SEMA6B: variants seen among roughly 807,000 people sequenced by gnomAD.
SEMA6B encodes the protein semaphorin-6B.
A neutral mutation model predicts 78.6 loss-of-function variants in SEMA6B; 47 were observed. The ratio of observed to expected loss-of-function variants is 0.60; its 90% CI spans 0.47 to 0.76. The LOEUF is 0.76. SEMA6B is among the 30% of genes least tolerant of loss of function. The pLI, the probability that SEMA6B is intolerant of heterozygous loss-of-function variation, is 0.00. For synonymous variants in SEMA6B, 632 were observed against 592.2 expected, an observed-to-expected ratio of 1.07 and a Z score of -0.98; for missense variants, 1,213 against 1,269.9, an observed-to-expected ratio of 0.96 and a Z score of 0.68.
In SEMA6B at chr19:4,550,883, G is replaced by A. The variant is rs199618903; in HGVS notation, c.1037C>T (p.Ala346Val). 2 of 1,613,612 alleles carry A rather than the reference G, an allele frequency of 1.2e-6. No homozygotes were observed. Among genetic ancestry groups the A allele is most frequent in the South Asian group, 1.1e-5 (1 of 91,090 alleles). Residue 346 changes from alanine to valine, a missense_variant, in exon 11 of 17, where the codon GCT (alanine) becomes GTT (valine). Ala to Val is a moderately conservative substitution (Grantham distance 64). Transcript: ENST00000586582. This position sits in a 1 kb window ranked among gnomAD's most constrained non-coding sequence, Gnocchi z 6.6. ...VCAFDLTQVA[A>V]VFEGRFREQK... Reference sequence around the variant, plus strand: ...CTCTCGGAAGCGGCCTTCAAACACAGCTGCCACCTGTGTCAGGTCAAAGGC... The same window carrying A: ...CTCTCGGAAGCGGCCTTCAAACACAACTGCCACCTGTGTCAGGTCAAAGGC...
Position 4,555,460 on chromosome 19 carries a change from G to C in SEMA6B, c.562+14C>G. ...GGCTGGGGCTGATCAGATGGAGGTT[G>C]GGGGGGTACTTACCAGAGAAGAGGG... On this transcript the variant is annotated intron_variant, in intron 7 of 16. Transcript: ENST00000586582. The surrounding 1 kb of genome is among the most constrained non-coding windows in gnomAD (Gnocchi z 6.1). The C allele has an allele frequency of 6.3e-7, 1 of 1,595,878 alleles. No individual in the cohort carries two copies. Among genetic ancestry groups the C allele is most frequent in the Non-Finnish European group, 8.6e-7 (1 of 1,168,514 alleles).
Position 4,550,182 on chromosome 19 carries a change from C to T in SEMA6B, c.1212G>A (p.Leu404=), listed in dbSNP as rs746277449. The T allele has an allele frequency of 3.1e-6, 5 of 1,613,772 alleles. No homozygotes were observed. Among genetic ancestry groups the T allele is most frequent in the Non-Finnish European group, 4.2e-6 (5 of 1,179,976 alleles). ...CCAGCGAGGGCACCGCCTCGTCCAT[C>T]AGAGGGTGGGTCTTGACAAAGTTGA... is the stretch of plus-strand genomic sequence containing the variant. ...DILNFVKTHP[L]MDEAVPSLGH... is the part of the protein sequence containing the mutation. The change falls in exon 12 of 17, where the codon CTG becomes CTA. Residue 404 remains leucine (L), a synonymous_variant. Coordinates refer to ENST00000586582, the MANE Select transcript of SEMA6B (RefSeq NM_032108.4). This position sits in a 1 kb window ranked among gnomAD's most constrained non-coding sequence, Gnocchi z 6.6.
rs1449734277 is a variant in SEMA6B, at chr19:4,556,987, G to A, written c.333C>T (p.Ser111=). Residue 111 remains serine (S), a synonymous_variant, in exon 5 of 17, where the codon AGC becomes AGT. Coordinates refer to ENST00000586582, the MANE Select transcript of SEMA6B (RefSeq NM_032108.4). Reference sequence around the variant, plus strand: ...CCTTCATCCGACACACGTTTATGTCGCTGGGGTTAGATCTCCAGGTCAGCT... The same window carrying A: ...CCTTCATCCGACACACGTTTATGTCACTGGGGTTAGATCTCCAGGTCAGCT... The part of the protein sequence containing the change: ...QRKLTWRSNP[S]DINVCRMKGK... The A allele has an allele frequency of 1.9e-6, 3 of 1,613,200 alleles. No individual in the cohort carries two copies. The highest frequency in any genetic ancestry group is 1.7e-5 in the Admixed American group (1 of 59,912).
intron 10 of SEMA6B, among the ~76,000 whole-genome samples, chr19:4,551,215 G>A (rs1331418032): frequency 1.4e-5 from 2 of 147,764 alleles, no homozygotes; most frequent in Non-Finnish European, 1.5e-5. Flanking sequence ...CCACTCCCCA[G>A]CAGGCTTTTT....
chr19:4,555,109 G>C lies in SEMA6B; in HGVS notation c.563-14C>G. ...AGAGCATCCCGTCTGGATGGGGTGGGTGGGGAAGGCAGGCAAGAGATGAGA... is the reference window on the plus strand; with the variant it reads ...AGAGCATCCCGTCTGGATGGGGTGGCTGGGGAAGGCAGGCAAGAGATGAGA... On this transcript the variant is annotated splice_polypyrimidine_tract_variant and intron_variant, in intron 7 of 16. Coordinates refer to ENST00000586582, the MANE Select transcript of SEMA6B (RefSeq NM_032108.4). The surrounding 1 kb of genome is among the most constrained non-coding windows in gnomAD (Gnocchi z 6.1). The C allele has an allele frequency of 6.2e-7, 1 of 1,613,326 alleles. No individual in the cohort carries two copies. The highest frequency in any genetic ancestry group is 8.5e-7 in the Non-Finnish European group (1 of 1,179,878).
chr19:4,549,705 C>T (rs1309617221), intron 12 of SEMA6B, among the ~76,000 whole-genome samples: 5 of 152,198 alleles, frequency 3.3e-5, no homozygotes, highest in Admixed American at 2.6e-4. Flanking sequence ...GTCTCCATCT[C>T]CTGGCCTCGT....
Position 4,548,378 on chromosome 19 carries a change from G to A in SEMA6B, c.1339C>T (p.Leu447=). 1 of 1,613,854 alleles carries A rather than the reference G, an allele frequency of 6.2e-7. No individual in the cohort carries two copies. Among genetic ancestry groups the A allele is most frequent in the African/African-American group, 1.3e-5 (1 of 75,054 alleles). Residue 447 remains leucine (L), a synonymous_variant, in exon 13 of 17, where the codon CTG becomes TTG. Transcript: ENST00000586582. The part of the protein sequence containing the change: ...GPWGNQTVVF[L]GSEAGTVLKF... ...AGGACCGTCCCCGCCTCAGAACCCA[G>A]GAAGACAACGGTCTGGTTGCCCCAG... is the stretch of plus-strand genomic sequence containing the variant.
chr19:4,547,888 G>C (rs1344192429), intron 14 of SEMA6B, 139 bp downstream of exon 14: 3 of 1,090,742 alleles, frequency 2.8e-6, no homozygotes, highest in South Asian at 1.9e-5. Flanking sequence ...TCCTGCCCGC[G>C]GGCCTTTGCA....
At chr19:4,553,310 A>G (rs7254712) in intron 9 of SEMA6B, among the ~76,000 whole-genome samples, 2,059 of 150,994 alleles carry the variant, frequency 0.014, 48 homozygotes, top group African/African-American at 0.048. Context: ...GAATGGATGG[A>G]TAAGTGGGTG....
rs894271488 is a variant in SEMA6B, at chr19:4,542,946, G to T, written c.*655C>A. 6 of 700,426 alleles carry T rather than the reference G, an allele frequency of 8.6e-6. No individual in the cohort carries two copies. Among genetic ancestry groups the T allele is most frequent in the Non-Finnish European group, 1.6e-5 (6 of 384,764 alleles). The allele number at this position is 700,426 out of a possible 1,614,324, so 43.4% of individuals were successfully genotyped here. On this transcript the variant is annotated 3_prime_UTR_variant, in exon 17 of 17. Transcript: ENST00000586582. ...CCTAACCGGCACCTCGGAGACCCCC[G>T]GGCCTTCTGGAAGCCCCAGCGTCGG...
Position 4,555,421 on chromosome 19 carries a change from C to G in SEMA6B, c.562+53G>C. 1 of 1,490,548 alleles carries G rather than the reference C, an allele frequency of 6.7e-7. No individual in the cohort carries two copies. The highest frequency in any genetic ancestry group is 9.2e-7 in the Non-Finnish European group (1 of 1,089,522). The allele number at this position is 1,490,548 out of a possible 1,614,324, so 92.3% of individuals were successfully genotyped here. A position where few individuals can be genotyped will look rare whatever the true frequency, so the allele number is the denominator to read the frequency against. ...ACCCAGACGCTGGAGTAGAAAATGC[C>G]AGGTCTTGCCTGTGGCTGGGGCTGA... On this transcript the variant is annotated intron_variant, in intron 7 of 16. Transcript: ENST00000586582. The surrounding 1 kb of genome is among the most constrained non-coding windows in gnomAD (Gnocchi z 6.1).
In SEMA6B at chr19:4,548,448, G is replaced by A. The variant is rs1555697422; in HGVS notation, c.1272-3C>T. ...CAGCCACTCGAGTCAGCTGGTGCCTGGGGGACAGGGCAGGGGAGGGTCAGG... is the reference window on the plus strand; with the variant it reads ...CAGCCACTCGAGTCAGCTGGTGCCTAGGGGACAGGGCAGGGGAGGGTCAGG... On this transcript the variant is annotated splice_polypyrimidine_tract_variant and splice_region_variant and intron_variant, in intron 12 of 16. Transcript: ENST00000586582. The A allele has an allele frequency of 1.9e-6, 3 of 1,610,306 alleles. No homozygotes were observed. The highest frequency in any genetic ancestry group is 2.5e-6 in the Non-Finnish European group (3 of 1,178,596).
chr19:4,546,368 AC>A (rs1182983005), intron 15 of SEMA6B, 23 bp downstream of exon 15: 2 of 1,584,832 alleles, frequency 1.3e-6, no homozygotes, highest in East Asian at 4.6e-5. Flanking sequence ...CACACCCTCC[AC>A]CCACCTCCCT....
At position 4,554,445 on chromosome 19, in the gene SEMA6B, G is replaced by A. The variant is rs763579916; in HGVS notation, c.714C>T (p.Gly238=). ...CCCGGAAGAAGAAGTAGACATGGCT[G>A]CCCCACTCCACCGCATGGACAAAGT... is the stretch of plus-strand genomic sequence containing the variant. ...EPYFVHAVEW[G]SHVYFFFREI... The change falls in exon 9 of 17, where the codon GGC becomes GGT. Residue 238 remains glycine (G), a synonymous_variant. Transcript: ENST00000586582. 57 of 1,613,958 alleles carry A rather than the reference G, an allele frequency of 3.5e-5. No individual in the cohort carries two copies. The highest frequency in any genetic ancestry group is 3.3e-4 in the Middle Eastern group (2 of 6,062).
rs892904544 is a variant in SEMA6B, at chr19:4,544,956, TTTTG to T, written c.1739-431_1739-428del. On this transcript the variant is annotated intron_variant, in intron 16 of 16. Coordinates refer to ENST00000586582, the MANE Select transcript of SEMA6B (RefSeq NM_032108.4). This position sits in a 1 kb window ranked among gnomAD's most constrained non-coding sequence, Gnocchi z 5.1. ...CTTATTTTTATTATTTTTTAATTTT[TTTTG>T]TTTGTTTGTTTTGAGACAGTCCCCC... 6.6e-6 allele frequency among the ~76,000 whole-genome samples: 1 copy of T among 151,704 alleles called. No individual in the cohort carries two copies. Among genetic ancestry groups the T allele is most frequent in the African/African-American group, 2.4e-5 (1 of 41,262 alleles).
chr19:4,555,024 C>G lies in SEMA6B; in HGVS notation c.634G>C (p.Asp212His), dbSNP rs771132063. The change falls in exon 8 of 17, where the codon GAC becomes CAC. Residue 212 changes from aspartate to histidine, a missense_variant. Coordinates refer to ENST00000586582, the MANE Select transcript of SEMA6B (RefSeq NM_032108.4). The surrounding 1 kb of genome is among the most constrained non-coding windows in gnomAD (Gnocchi z 6.1). The stretch of plus-strand genomic sequence containing the variant: ...TTCACGGTGCGCAGGGTGGGCCTGT[C>G]CCCGAGGCTGCGGTAGATGACAGCA... Reference protein sequence around the residue: ...IDAVIYRSLGDRPTLRTVKHD... With the variant: ...IDAVIYRSLGHRPTLRTVKHD... 3 of 1,614,036 alleles carry G rather than the reference C, an allele frequency of 1.9e-6. No individual in the cohort carries two copies. Among genetic ancestry groups the G allele is most frequent in the Non-Finnish European group, 2.5e-6 (3 of 1,179,996 alleles).
At position 4,548,101 on chromosome 19, in the gene SEMA6B, G is replaced by A. The variant is rs1568253634; in HGVS notation, c.1527C>T (p.Gly509=). The change falls in exon 14 of 17, where the codon GGC becomes GGT. Residue 509 remains glycine (G), a synonymous_variant. Transcript: ENST00000586582. ...LSLELDAASG[G]LLAAFPRCVV... ...CGCAGCGGGGGAAGGCAGCCAGCAGGCCCCCCGAAGCTGCGTCCAGCTCCA... is the reference window on the plus strand; with the variant it reads ...CGCAGCGGGGGAAGGCAGCCAGCAGACCCCCCGAAGCTGCGTCCAGCTCCA... 1 of 1,590,280 alleles carries A rather than the reference G, an allele frequency of 6.3e-7. No homozygotes were observed. Among genetic ancestry groups the A allele is most frequent in the Non-Finnish European group, 8.5e-7 (1 of 1,173,656 alleles).
intron 12 of SEMA6B, among the ~76,000 whole-genome samples, chr19:4,549,865 G>A (rs771286636): frequency 2.0e-5 from 3 of 151,976 alleles, no homozygotes; most frequent in Admixed American, 6.6e-5. Context: ...TGGCAGCCTC[G>A]GCCTCCCAAA....
chr19:4,546,007 G>T (rs901084901), intron 16 of SEMA6B: 10 of 465,364 alleles, frequency 2.1e-5, no homozygotes, highest in Non-Finnish European at 3.5e-5. Context: ...TCCTGACCTC[G>T]TGATCCACCC....
Sources: gnomAD v4.1 joint callset for allele counts (sites outside exome capture counted in the v4.1 genomes callset) on GRCh38, gnomAD v4.1.1 for gene constraint, Gnocchi (gnomAD v3.1) non-coding constraint, MANE v1.5 for transcripts, NCBI Gene and HGNC (gene_info 2026-07-23, HGNC 2026-07-21) for gene names.